Variants in FER observed in about 807,000 individuals in gnomAD.
FER encodes the protein FER tyrosine kinase.
Under a neutral mutation model 111.0 loss-of-function variants are expected in FER, and 63 were observed. The observed-to-expected ratio is 0.57, with a 90% CI of 0.46 to 0.70. FER has a LOEUF of 0.70. Ranked by LOEUF, FER falls within the 30% of genes least tolerant of loss-of-function variation. FER has a pLI of 0.00. For synonymous variants in FER, 327 were observed against 313.9 expected (o/e 1.04, Z -0.44); for missense variants, 914 against 954.0 (o/e 0.96, Z 0.55).
At chr5:109,002,495 C>T (rs796481055) in intron 13 of FER, among the ~76,000 whole-genome samples, 16,745 of 150,538 alleles carry the variant, frequency 0.11, 1,013 homozygotes, top group Middle Eastern at 0.16. Context: ...AAGACTTAAA[C>T]GTTAGACCTA....
At chr5:109,074,838 T>C (rs2047023843) in intron 16 of FER, among the ~76,000 whole-genome samples, 1 of 152,240 alleles carries the variant, frequency 6.6e-6, no homozygotes, top group Non-Finnish European at 1.5e-5. Context: ...CGTGAAAACC[T>C]AAGTAAATGT....
intron 13 of FER, among the ~76,000 whole-genome samples, chr5:108,995,571 C>A (rs546324806): frequency 1.3e-5 from 2 of 152,246 alleles, no homozygotes; most frequent in South Asian, 2.1e-4. Flanking sequence ...TCAGCTTCAT[C>A]CATGTCCCTG....
chr5:108,998,085 C>T (rs1335081677), intron 13 of FER, among the ~76,000 whole-genome samples: 2 of 151,506 alleles, frequency 1.3e-5, no homozygotes, highest in African/African-American at 4.9e-5. Flanking sequence ...GGGTGTGGGA[C>T]CTGCCGTACC....
intron 17 of FER, among the ~76,000 whole-genome samples, chr5:109,155,005 T>C (rs1356493411): frequency 6.6e-6 from 1 of 151,908 alleles, no homozygotes; most frequent in African/African-American, 2.4e-5. Flanking sequence ...GTTAATCTTA[T>C]AACTCTATCA....
chr5:109,010,575 A>G (rs1766132362), intron 13 of FER, among the ~76,000 whole-genome samples: 1 of 152,178 alleles, frequency 6.6e-6, no homozygotes. Flanking sequence ...GGGTGATCCA[A>G]ATTAAGATAG....
At chr5:108,811,951 C>T (rs1447417257) in intron 3 of FER, among the ~76,000 whole-genome samples, 1 of 152,164 alleles carries the variant, frequency 6.6e-6, no homozygotes, top group Non-Finnish European at 1.5e-5. Context: ...ACTCAGTTGT[C>T]TCATTCAAAT....
intron 4 of FER, among the ~76,000 whole-genome samples, chr5:108,834,667 A>C (rs886220950): frequency 2.6e-5 from 4 of 151,220 alleles, no homozygotes; most frequent in African/African-American, 9.7e-5. Flanking sequence ...CACTGCCCTA[A>C]CAGCCTGGGC....
chr5:108,980,782 A>T (rs1241339618), intron 13 of FER, among the ~76,000 whole-genome samples: 1 of 152,178 alleles, frequency 6.6e-6, no homozygotes. Context: ...GTGATTGTTG[A>T]ATATCCTCTG....
At chr5:109,159,061 C>T (rs1298010271) in intron 17 of FER, among the ~76,000 whole-genome samples, 1 of 152,136 alleles carries the variant, frequency 6.6e-6, no homozygotes, top group South Asian at 2.1e-4. Flanking sequence ...TAAAAATAAA[C>T]TGCTGAGCAA....
In FER at chr5:109,195,526, C is replaced by T. The variant is rs1022563788; in HGVS notation, c.*7951C>T. ...ATAATCCTATGATTCTAAATTCAAT[C>T]CCCAATATAGATTCTAAGCATCAAA... On this transcript the variant is annotated 3_prime_UTR_variant, in exon 20 of 20. Coordinates refer to ENST00000281092, the MANE Select transcript of FER (RefSeq NM_005246.4). 3.3e-5 allele frequency: 5 copies of T among 152,148 alleles called. No homozygotes were observed. The highest frequency in any genetic ancestry group is 5.9e-5 in the Non-Finnish European group (4 of 68,030). The allele number at this position is 152,148 out of a possible 1,614,324, so 9.4% of individuals were successfully genotyped here.
At chr5:109,062,426 T>C (rs1373238619) in intron 16 of FER, among the ~76,000 whole-genome samples, 1 of 152,118 alleles carries the variant, frequency 6.6e-6, no homozygotes, top group Non-Finnish European at 1.5e-5. Context: ...CTTGGGAGGC[T>C]GAGGCAGCAG....
chr5:108,905,552 A>G (rs867288851), intron 10 of FER, among the ~76,000 whole-genome samples: 1 of 152,146 alleles, frequency 6.6e-6, no homozygotes, highest in Admixed American at 6.6e-5. Flanking sequence ...ACAGCGCTTA[A>G]TGATTACTTA....
In FER at chr5:109,051,588, G is replaced by A. The variant is rs149365832; in HGVS notation, c.1924+4390G>A. 606 of 1,606,888 alleles carry A rather than the reference G, an allele frequency of 3.8e-4. 2 individuals are homozygous for A. In the East Asian group the frequency reaches 0.012, roughly 33 times the overall value. ...TGCGGCAAGAAGAATTGTTTCTGTC[G>A]CCATTAACCAGCTTGTACCCAGGAA... is the stretch of plus-strand genomic sequence containing the variant. On this transcript the variant is annotated intron_variant, in intron 16 of 19. Coordinates refer to ENST00000281092, the MANE Select transcript of FER (RefSeq NM_005246.4).
At chr5:109,025,231 A>T (rs1241065839) in intron 13 of FER, among the ~76,000 whole-genome samples, 1 of 151,928 alleles carries the variant, frequency 6.6e-6, no homozygotes, top group Non-Finnish European at 1.5e-5. Context: ...TTTTCATGAT[A>T]TTGATTCTTC....
intron 2 of FER, among the ~76,000 whole-genome samples, chr5:108,777,536 A>G (rs1289714415): frequency 6.6e-6 from 1 of 152,208 alleles, no homozygotes; most frequent in Non-Finnish European, 1.5e-5. Context: ...TTATAGCATC[A>G]TAGAGGGTAG....
chr5:108,753,939 G>A lies in FER; in HGVS notation c.-206+5939G>A, dbSNP rs553872322. 7.2e-5 allele frequency among the ~76,000 whole-genome samples: 11 copies of A among 152,098 alleles called. 1 individual carries two copies. Among genetic ancestry groups the A allele is most frequent in the African/African-American group, 1.9e-4 (8 of 41,486 alleles). On this transcript the variant is annotated intron_variant, in intron 1 of 19. Transcript: ENST00000281092. Reference sequence around the variant, plus strand: ...AGTCAGTTTTCTTATATTTTTTCCCGTCCAGGTACAAGATATTTACATGTA... The same window carrying A: ...AGTCAGTTTTCTTATATTTTTTCCCATCCAGGTACAAGATATTTACATGTA...
intron 5 of FER, 123 bp from the exon 6 acceptor site, chr5:108,867,644 A>G: frequency 1.1e-6 from 1 of 941,074 alleles, no homozygotes; most frequent in Non-Finnish European, 1.6e-6. Flanking sequence ...GTTCAATAAA[A>G]TTTTTTTGTT....
At chr5:108,982,939 A>G (rs1378046140) in intron 13 of FER, among the ~76,000 whole-genome samples, 2 of 151,920 alleles carry the variant, frequency 1.3e-5, no homozygotes, top group East Asian at 3.9e-4. Context: ...GTTGTCTTAA[A>G]TGGCATGCAT....
At chr5:109,178,238 C>G (rs980513913) in intron 17 of FER, among the ~76,000 whole-genome samples, 2 of 152,192 alleles carry the variant, frequency 1.3e-5, no homozygotes, top group African/African-American at 4.8e-5. Context: ...GATCCCATTT[C>G]CACTCACTTG....
Sources: allele counts gnomAD v4.1 joint callset (sites outside exome capture counted in the v4.1 genomes callset), GRCh38; gene constraint gnomAD v4.1.1; transcripts MANE v1.5; gene names NCBI Gene and HGNC (gene_info 2026-07-23, HGNC 2026-07-21).